Variants in EFR3B observed in about 807,000 individuals in gnomAD.
EFR3B encodes protein EFR3 homolog B.
Under a neutral mutation model 104.7 loss-of-function variants are expected in EFR3B, and 64 were observed. That is an observed-to-expected ratio of 0.61 (90% CI 0.50 to 0.75). The LOEUF (loss-of-function observed/expected upper bound fraction) is 0.75, where lower values mean the gene tolerates loss of function less well. Among genes scored for constraint, EFR3B ranks in the 30% least tolerant of loss-of-function variants. The pLI is 0.00. For synonymous variants in EFR3B, 385 were observed against 417.9 expected (o/e 0.92, Z 0.96); for missense variants, 750 against 1,078.5 (o/e 0.70, Z 4.27).
chr2:25,113,514 A>G (rs1399276785), intron 4 of EFR3B, among the ~76,000 whole-genome samples: 1 of 151,994 alleles, frequency 6.6e-6, no homozygotes, highest in Non-Finnish European at 1.5e-5. Flanking sequence ...TAAAAATACA[A>G]AAAATTAGCT....
At chr2:25,093,708 T>C (rs1254388962) in intron 3 of EFR3B, among the ~76,000 whole-genome samples, 1 of 151,808 alleles carries the variant, frequency 6.6e-6, no homozygotes, top group Non-Finnish European at 1.5e-5. Context: ...CCTCATACAG[T>C]CTGGGGCCTT....
intron 6 of EFR3B, 73 bp downstream of exon 6, chr2:25,128,405 TTG>T: frequency 3.9e-6 from 6 of 1,535,340 alleles, no homozygotes; most frequent in Non-Finnish European, 5.3e-6. Context: ...ACCACATGGT[TTG>T]GGTTGGTCAG....
chr2:25,153,446 C>G (rs1671068771), intron 21 of EFR3B, among the ~76,000 whole-genome samples: 1 of 152,172 alleles, frequency 6.6e-6, no homozygotes, highest in Admixed American at 6.5e-5. Flanking sequence ...AGGAAAAGGA[C>G]CTTCCAGAAC....
chr2:25,152,016 C>T lies in EFR3B; in HGVS notation c.2294C>T (p.Ala765Val), dbSNP rs1671024357. The T allele has an allele frequency of 6.4e-7, 1 of 1,551,442 alleles. No homozygotes were observed. The change falls in exon 21 of 23, where the codon GCC becomes GTC. Residue 765 changes from alanine to valine, a missense_variant. Ala to Val is a moderately conservative substitution (Grantham distance 64). Coordinates refer to ENST00000403714, the MANE Select transcript of EFR3B (RefSeq NM_014971.2). ...GAGGAGATTGCTGCACACTGCGGGG[C>T]CCGGGTAAGTGAAGCATGACATGGG... Reference protein sequence around the residue: ...PFEEIAAHCGARASLLQSKLN... With the variant: ...PFEEIAAHCGVRASLLQSKLN...
chr2:25,127,045 A>G lies in EFR3B; in HGVS notation c.486-1138A>G, dbSNP rs547573296. 4.6e-5 allele frequency among the ~76,000 whole-genome samples: 7 copies of G among 151,950 alleles called. No homozygotes were observed. The East Asian group carries it at 1.4e-3, about 30-fold the overall frequency. On this transcript the variant is annotated intron_variant, in intron 5 of 22. Coordinates refer to ENST00000403714, the MANE Select transcript of EFR3B (RefSeq NM_014971.2). The stretch of plus-strand genomic sequence containing the variant: ...TGTCTCTACTAAAAATACAAAAATT[A>G]GCCGGGCATAGTGGCACATGCCTGT...
Position 25,042,135 on chromosome 2 carries a change from C to G in EFR3B, c.-178C>G, listed in dbSNP as rs1219551915. ...TGCAGCCCGGCGCTGAATGGGCTGG[C>G]GGCGCCCGGCTCCGTCCTGCCCGCG... On this transcript the variant is annotated 5_prime_UTR_variant, in exon 1 of 23. Transcript: ENST00000403714. The surrounding 1 kb of genome is among the most constrained non-coding windows in gnomAD (Gnocchi z 5.4). 4 of 476,766 alleles carry G rather than the reference C, an allele frequency of 8.4e-6. No individual in the cohort carries two copies. Among genetic ancestry groups the G allele is most frequent in the African/African-American group, 8.3e-5 (4 of 48,222 alleles). The allele number at this position is 476,766 out of a possible 1,614,324, so 29.5% of individuals were successfully genotyped here.
At chr2:25,097,936 A>G (rs375479156) in intron 3 of EFR3B, among the ~76,000 whole-genome samples, 14 of 152,256 alleles carry the variant, frequency 9.2e-5, no homozygotes, top group Non-Finnish European at 1.8e-4. Context: ...AGCCAGGACC[A>G]AGCCCTGGCG....
chr2:25,132,481 G>A (rs762112812), intron 10 of EFR3B, among the ~76,000 whole-genome samples: 1 of 152,276 alleles, frequency 6.6e-6, no homozygotes, highest in African/African-American at 2.4e-5. Flanking sequence ...CTTCAGCCTG[G>A]AGTAGGCAGG....
Position 25,146,165 on chromosome 2 carries a change from G to A in EFR3B, c.2142+1114G>A, listed in dbSNP as rs113458438. ...CACACATCTGGGTGGGACCGGGACA[G>A]AAAGACTTACATGGTCCTCAGGCAT... On this transcript the variant is annotated intron_variant, in intron 19 of 22. Coordinates refer to ENST00000403714, the MANE Select transcript of EFR3B (RefSeq NM_014971.2). 49 of 149,772 alleles carry A rather than the reference G, an allele frequency of 3.3e-4. 1 individual carries two copies. Among genetic ancestry groups the A allele is most frequent in the African/African-American group, 9.4e-4 (38 of 40,596 alleles). 9.3% of individuals were successfully genotyped at this position (149,772 alleles called of 1,614,324 possible).
intron 1 of EFR3B, among the ~76,000 whole-genome samples, chr2:25,078,517 G>C (rs1005023809): frequency 2.0e-5 from 3 of 152,214 alleles, no homozygotes; most frequent in African/African-American, 7.2e-5. Flanking sequence ...GAGAGGCCAG[G>C]AGGGGAGGTG....
chr2:25,123,952 A>G (rs1670091022), intron 5 of EFR3B, among the ~76,000 whole-genome samples: 1 of 152,218 alleles, frequency 6.6e-6, no homozygotes, highest in Non-Finnish European at 1.5e-5. Context: ...CAGTGCCATT[A>G]CACCCACAGG....
In EFR3B at chr2:25,136,855, G is replaced by T. The variant is rs1362733865; in HGVS notation, c.1560+257G>T. On this transcript the variant is annotated intron_variant, in intron 14 of 22. Coordinates refer to ENST00000403714, the MANE Select transcript of EFR3B (RefSeq NM_014971.2). The surrounding 1 kb of genome is among the most constrained non-coding windows in gnomAD (Gnocchi z 4.0). ...CGCTTGAACCCAGAAGGTGGAGGTT[G>T]CAGTGAACCGAGATTGTGCCAATGT... Among the ~76,000 whole-genome samples the T allele has an allele frequency of 6.6e-6, 1 of 152,222 alleles. No homozygotes were observed. The highest frequency in any genetic ancestry group is 1.5e-5 in the Non-Finnish European group (1 of 68,032).
chr2:25,044,704 G>A (rs1667670920), intron 1 of EFR3B, among the ~76,000 whole-genome samples: 2 of 152,148 alleles, frequency 1.3e-5, no homozygotes, highest in African/African-American at 4.8e-5. Context: ...TCACCTAAGA[G>A]CTTTAGGTAA....
At chr2:25,089,579 G>A (rs543907513) in intron 1 of EFR3B, among the ~76,000 whole-genome samples, 4 of 152,262 alleles carry the variant, frequency 2.6e-5, no homozygotes, top group East Asian at 3.9e-4. Context: ...TGGCAGCTGC[G>A]CCAGGCAGAA....
At chr2:25,109,003 CA>C (rs943294878) in intron 4 of EFR3B, among the ~76,000 whole-genome samples, 115 of 149,898 alleles carry the variant, frequency 7.7e-4, no homozygotes, top group African/African-American at 2.3e-3. Context: ...AAGACTGTCT[CA>C]AAAAAAATAA....
chr2:25,082,931 G>C (rs1294155492), intron 1 of EFR3B, among the ~76,000 whole-genome samples: 1 of 152,214 alleles, frequency 6.6e-6, no homozygotes, highest in African/African-American at 2.4e-5. Context: ...AGGGACATGA[G>C]AGTGGGAGGT....
intron 4 of EFR3B, among the ~76,000 whole-genome samples, chr2:25,105,061 T>G (rs1421216437): frequency 1.3e-5 from 2 of 152,226 alleles, no homozygotes; most frequent in Non-Finnish European, 2.9e-5. Flanking sequence ...TACAACTATT[T>G]TACAGATCTT....
chr2:25,092,407 CACACACACACACACACTT>C (rs1436195786), intron 2 of EFR3B, among the ~76,000 whole-genome samples: 6 of 105,338 alleles, frequency 5.7e-5, no homozygotes, highest in African/African-American at 1.4e-4. Flanking sequence ...CATTCCTACA[CACACACACACACACACTT>C]ACACACACAC....
At chr2:25,153,557 A>G (rs1297735732) in intron 21 of EFR3B, among the ~76,000 whole-genome samples, 155 bp from the exon 22 acceptor site, 1 of 152,092 alleles carries the variant, frequency 6.6e-6, no homozygotes, top group African/African-American at 2.4e-5. Flanking sequence ...GTCAGGGTCC[A>G]GTGGATGAGT....
Sources: allele counts gnomAD v4.1 joint callset (sites outside exome capture counted in the v4.1 genomes callset), GRCh38; gene constraint gnomAD v4.1.1; non-coding constraint Gnocchi (gnomAD v3.1); transcripts MANE v1.5; gene names NCBI Gene and HGNC (gene_info 2026-07-23, HGNC 2026-07-21).